ZIK1: variants seen among roughly 807,000 people sequenced by gnomAD.
ZIK1 encodes zinc finger protein interacting with K protein 1.
A neutral mutation model predicts 10.7 loss-of-function variants in ZIK1; 12 were observed. The ratio of observed to expected loss-of-function variants is 1.12; its 90% CI spans 0.72 to 1.81. ZIK1 has a LOEUF of 1.81. ZIK1 is among the 40% of genes most tolerant of loss of function. ZIK1 has a pLI of 0.00. For synonymous variants in ZIK1, 190 were observed against 205.0 expected (o/e 0.93, Z 0.63); for missense variants, 497 against 585.7 (o/e 0.85, Z 1.56).
intron 2 of ZIK1, among the ~76,000 whole-genome samples, chr19:57,586,813 A>G (rs1979202386): frequency 6.6e-6 from 1 of 151,988 alleles, no homozygotes; most frequent in African/African-American, 2.4e-5. Context: ...AACTGTTCCA[A>G]CCTCTGCCTG....
intron 3 of ZIK1, 104 bp from the exon 4 acceptor site, chr19:57,589,907 C>A: frequency 1.4e-5 from 19 of 1,380,856 alleles, no homozygotes; most frequent in Non-Finnish European, 1.9e-5. Flanking sequence ...GCTCCATTAT[C>A]CTCAAAACAA....
chr19:57,584,855 G>A, intron 1 of ZIK1, 97 bp from the exon 2 acceptor site: 1 of 1,414,844 alleles, frequency 7.1e-7, no homozygotes, highest in African/African-American at 1.4e-5. Context: ...GGCATCCTCA[G>A]TCCACCTGGC....
At chr19:57,586,060 G>A (rs1360674826) in intron 2 of ZIK1, among the ~76,000 whole-genome samples, 1 of 152,006 alleles carries the variant, frequency 6.6e-6, no homozygotes, top group African/African-American at 2.4e-5. Flanking sequence ...GATAACAGGA[G>A]TTTTGTCTTT....
rs1979819421 is a variant in ZIK1 at position 57,592,897 on chromosome 19, C to T, written c.*1622C>T. The T allele has an allele frequency of 6.6e-6, 1 of 152,124 alleles. No individual in the cohort carries two copies. Among genetic ancestry groups the T allele is most frequent in the Non-Finnish European group, 1.5e-5 (1 of 68,032 alleles). The allele number at this position is 152,124 out of a possible 1,614,324, so 9.4% of individuals were successfully genotyped here. ...GATCATGAACATATTCATGATTCAC[C>T]TCTTGCTGTTTTACAATCTCTGCGT... On this transcript the variant is annotated 3_prime_UTR_variant, in exon 4 of 4. Transcript: ENST00000597850.
At chr19:57,584,921 C>T (rs370795130) in intron 1 of ZIK1, 31 bp from the exon 2 acceptor site, 197 of 1,612,672 alleles carry the variant, frequency 1.2e-4, no homozygotes, top group Non-Finnish European at 9.6e-5. Flanking sequence ...TGTATGGTCA[C>T]CTGCCTTTCA....
chr19:57,586,337 C>T (rs1029198720), intron 2 of ZIK1, among the ~76,000 whole-genome samples: 4 of 151,902 alleles, frequency 2.6e-5, no homozygotes, highest in East Asian at 3.9e-4. Context: ...CCGAGGCAGG[C>T]GGATCACTTG....
chr19:57,589,390 C>T (rs147863791), intron 3 of ZIK1: 264 of 985,336 alleles, frequency 2.7e-4, no homozygotes, highest in South Asian at 8.5e-4. Context: ...GGCCAAATCT[C>T]ATTTCTATAT....
intron 1 of ZIK1, chr19:57,584,626 C>T: frequency 2.2e-6 from 3 of 1,382,878 alleles, no homozygotes; most frequent in Admixed American, 3.3e-5. Flanking sequence ...AGGAGTTTTC[C>T]CTCAATTCTT....
Position 57,591,298 on chromosome 19 carries a change from G to T in ZIK1, c.*23G>T. 1 of 1,575,134 alleles carries T rather than the reference G, an allele frequency of 6.3e-7. No individual in the cohort carries two copies. The highest frequency in any genetic ancestry group is 8.6e-7 in the Non-Finnish European group (1 of 1,160,900). On this transcript the variant is annotated 3_prime_UTR_variant, in exon 4 of 4. Coordinates refer to ENST00000597850, the MANE Select transcript of ZIK1 (RefSeq NM_001010879.4). ...TAGAGGCCTCATGAATGCAGCAAAT[G>T]TGGAAGCGCCTTCAACTCAAGATCT...
chr19:57,589,466 A>G (rs775687706), intron 3 of ZIK1: 32 of 985,072 alleles, frequency 3.2e-5, no homozygotes, highest in South Asian at 4.7e-5. Context: ...GCACCTGGCT[A>G]CCTCCACCTT....
chr19:57,589,462 G>C (rs1418591261), intron 3 of ZIK1: 1 of 985,150 alleles, frequency 1.0e-6, no homozygotes, highest in Non-Finnish European at 1.2e-6. Flanking sequence ...TCTAGCACCT[G>C]GCTACCTCCA....
rs756211013 is a variant in ZIK1, at chr19:57,590,497, A to G, written c.686A>G (p.His229Arg). 6.2e-6 allele frequency: 10 copies of G among 1,613,820 alleles called. No homozygotes were observed. The East Asian group carries it at 1.3e-4, about 22-fold the overall frequency. The change falls in exon 4 of 4, where the codon CAT (histidine) becomes CGT (arginine). Residue 229 changes from histidine (H) to arginine (R), a missense_variant. Coordinates refer to ENST00000597850, the MANE Select transcript of ZIK1 (RefSeq NM_001010879.4). ...AGGCACAAACACACTCCTGTTTACC[A>G]TCCAAGAGTCTACACTGGAAAAAAG... ...ASRHKHTPVY[H>R]PRVYTGKKLY...
Position 57,584,241 on chromosome 19 carries a change from T to C in ZIK1, c.-116T>C. The C allele has an allele frequency of 6.9e-7, 1 of 1,451,486 alleles. No homozygotes were observed. Among genetic ancestry groups the C allele is most frequent in the Non-Finnish European group, 9.1e-7 (1 of 1,097,010 alleles). The allele number at this position is 1,451,486 out of a possible 1,614,324, so 89.9% of individuals were successfully genotyped here. A position where few individuals can be genotyped will look rare whatever the true frequency, so the allele number is the denominator to read the frequency against. On this transcript the variant is annotated 5_prime_UTR_variant, in exon 1 of 4. Coordinates refer to ENST00000597850, the MANE Select transcript of ZIK1 (RefSeq NM_001010879.4). ...CAGTCGGAAGGCGCGAGGGGAGGGGTCCTCCCGCTGAACAGTGGGGGTTCT... is the reference window on the plus strand; with the variant it reads ...CAGTCGGAAGGCGCGAGGGGAGGGGCCCTCCCGCTGAACAGTGGGGGTTCT...
chr19:57,591,423 A>C lies in ZIK1; in HGVS notation c.*148A>C. On this transcript the variant is annotated 3_prime_UTR_variant, in exon 4 of 4. Transcript: ENST00000597850. ...ATTGTAGCAGTAGAGAGCCTTTGTG[A>C]GGGAGCCATCTGCCTGAAGTTGAAC... 1.3e-6 allele frequency: 1 copy of C among 786,194 alleles called. No individual in the cohort carries two copies. 48.7% of individuals were successfully genotyped at this position (786,194 alleles called of 1,614,324 possible).
At position 57,584,403 on chromosome 19, in the gene ZIK1, C is replaced by G; in HGVS notation, c.33+14C>G. The G allele has an allele frequency of 6.2e-7, 1 of 1,607,428 alleles. No individual in the cohort carries two copies. The highest frequency in any genetic ancestry group is 8.5e-7 in the Non-Finnish European group (1 of 1,177,540). On this transcript the variant is annotated intron_variant, in intron 1 of 3. Coordinates refer to ENST00000597850, the MANE Select transcript of ZIK1 (RefSeq NM_001010879.4). ...GCCCCGACTCAGGTGAGCGCTGCCT[C>G]TACTGGGCCTCACCCTCCATCCCCA...
rs754735463 is a variant in ZIK1, at chr19:57,590,336, C to A, written c.525C>A (p.Asp175Glu). Reference sequence around the variant, plus strand: ...TTCGCAAATGGGAGGTTGGAAAGGACCTTCCAGCCATGTTGCGGCTTCTGA... The same window carrying A: ...TTCGCAAATGGGAGGTTGGAAAGGAACTTCCAGCCATGTTGCGGCTTCTGA... ...KPFRKWEVGK[D>E]LPAMLRLLRS... Residue 175 changes from aspartate to glutamate, a missense_variant, in exon 4 of 4, where the codon GAC (aspartate) becomes GAA (glutamate). Coordinates refer to ENST00000597850, the MANE Select transcript of ZIK1 (RefSeq NM_001010879.4). 4 of 1,614,154 alleles carry A rather than the reference C, an allele frequency of 2.5e-6. No homozygotes were observed. The highest frequency in any genetic ancestry group is 3.4e-6 in the Non-Finnish European group (4 of 1,180,038).
intron 3 of ZIK1, chr19:57,589,117 G>C (rs540247317): frequency 4.6e-6 from 1 of 216,024 alleles, no homozygotes; most frequent in Admixed American, 6.5e-5. Context: ...CCCATGGGCT[G>C]TTGTGTGCTG....
intron 3 of ZIK1, 117 bp downstream of exon 3, chr19:57,588,782 T>G (rs1376506818): frequency 2.6e-6 from 3 of 1,141,868 alleles, no homozygotes; most frequent in Non-Finnish European, 3.4e-6. Flanking sequence ...TGAGTAGCCC[T>G]AACACCTGCT....
chr19:57,586,422 G>C (rs1979162973), intron 2 of ZIK1, among the ~76,000 whole-genome samples: 1 of 152,084 alleles, frequency 6.6e-6, no homozygotes, highest in African/African-American at 2.4e-5. Flanking sequence ...AATTAGCCAG[G>C]CGTGGTGGCA....
Sources: allele counts gnomAD v4.1 joint callset (sites outside exome capture counted in the v4.1 genomes callset), GRCh38; gene constraint gnomAD v4.1.1; transcripts MANE v1.5; gene names NCBI Gene and HGNC (gene_info 2026-07-23, HGNC 2026-07-21).